The following MAD1L1 variants were observed in gnomAD, a reference collection of about 807,000 sequenced individuals.
The protein encoded by MAD1L1 is mitotic arrest deficient 1 like 1, also known as mitotic spindle assembly checkpoint protein MAD1.
In MAD1L1, 95 loss-of-function variants were observed where a neutral mutation model predicts 96.9. The observed-to-expected ratio is 0.98, with a 90% CI of 0.83 to 1.16. The LOEUF (loss-of-function observed/expected upper bound fraction) is 1.16. Among genes scored for constraint, MAD1L1 ranks in the 50% most tolerant of loss-of-function variants. The probability of loss-of-function intolerance (pLI) is 0.00; values close to 1 mark genes in which losing one functional copy is unlikely to be tolerated. For synonymous variants in MAD1L1, 473 were observed against 396.6 expected (o/e 1.19, Z -2.29); for missense variants, 1,007 against 954.4 (o/e 1.06, Z -0.73).
intron 15 of MAD1L1, among the ~76,000 whole-genome samples, chr7:1,960,243 G>T (rs886599206): frequency 2.1e-5 from 3 of 141,848 alleles, no homozygotes; most frequent in African/African-American, 8.4e-5. Context: ...TTGAAAAAAG[G>T]TAAAAAGAAA....
intron 17 of MAD1L1, among the ~76,000 whole-genome samples, chr7:1,918,825 C>T (rs182299606): frequency 1.1e-4 from 16 of 152,334 alleles, no homozygotes; most frequent in African/African-American, 3.4e-4. Context: ...CCACAGCTCC[C>T]GGCCCCAGGG....
intron 17 of MAD1L1, among the ~76,000 whole-genome samples, chr7:1,903,604 T>G (rs1424773200): frequency 1.1e-3 from 95 of 85,686 alleles, no homozygotes; most frequent in African/African-American, 2.0e-3. Context: ...AGTGGCCTAT[T>G]GAAGAAGCTC....
chr7:1,827,577 A>G (rs12536039), intron 18 of MAD1L1, among the ~76,000 whole-genome samples: 2,903 of 22,690 alleles, frequency 0.13, 150 homozygotes, highest in Non-Finnish European at 0.13. Context: ...CGGGTGTGGC[A>G]TCCTCCCCTC....
chr7:2,164,246 CT>C (rs1227000413), intron 10 of MAD1L1, among the ~76,000 whole-genome samples: 4 of 152,224 alleles, frequency 2.6e-5, no homozygotes, highest in Non-Finnish European at 5.9e-5. Context: ...TCCTCAGGCA[CT>C]GTTCCAGAGT....
chr7:1,817,931 G>C (rs1350574435), intron 18 of MAD1L1, among the ~76,000 whole-genome samples: 1 of 151,808 alleles, frequency 6.6e-6, no homozygotes, highest in Non-Finnish European at 1.5e-5. Context: ...GAGGCCCTGC[G>C]ACCTGACCTG....
At chr7:2,181,915 G>A (rs1032916601) in intron 10 of MAD1L1, among the ~76,000 whole-genome samples, 3 of 151,954 alleles carry the variant, frequency 2.0e-5, no homozygotes, top group Non-Finnish European at 4.4e-5. Context: ...TCTTCTAAGC[G>A]AAGAAACTCA....
chr7:1,964,181 A>C (rs1451360277), intron 15 of MAD1L1, among the ~76,000 whole-genome samples: 1 of 152,158 alleles, frequency 6.6e-6, no homozygotes, highest in Non-Finnish European at 1.5e-5. Context: ...CAAGGTGATG[A>C]GTGACGACAT....
chr7:2,141,073 G>T (rs187685764), intron 11 of MAD1L1, among the ~76,000 whole-genome samples: 1 of 152,350 alleles, frequency 6.6e-6, no homozygotes, highest in Admixed American at 6.5e-5. Flanking sequence ...GAGGCACCCC[G>T]GACAGACCCC....
intron 18 of MAD1L1, among the ~76,000 whole-genome samples, chr7:1,829,267 A>G (rs1341698148): frequency 2.0e-5 from 3 of 152,232 alleles, no homozygotes; most frequent in Non-Finnish European, 2.9e-5. Context: ...AGTGGGGCGC[A>G]AGTGCTGGCT....
At chr7:2,172,523 G>T (rs1049687249) in intron 10 of MAD1L1, among the ~76,000 whole-genome samples, 3 of 152,222 alleles carry the variant, frequency 2.0e-5, no homozygotes, top group Non-Finnish European at 4.4e-5. Flanking sequence ...CACAAACACT[G>T]CCTGCACCGT....
At chr7:2,129,423 GCGGCTCCTGTCCACA>G (rs1788402475) in intron 11 of MAD1L1, among the ~76,000 whole-genome samples, 1 of 152,218 alleles carries the variant, frequency 6.6e-6, no homozygotes, top group Non-Finnish European at 1.5e-5. Context: ...CAGGCTCACG[GCGGCTCCTGTCCACA>G]CGGCTCCTGC....
chr7:2,008,889 A>G (rs1244754844), intron 13 of MAD1L1, among the ~76,000 whole-genome samples: 2 of 152,214 alleles, frequency 1.3e-5, no homozygotes, highest in African/African-American at 4.8e-5. Context: ...CGGGTTCCCC[A>G]GGAGAGGCCA....
chr7:2,102,876 A>G (rs1703225190), intron 11 of MAD1L1, among the ~76,000 whole-genome samples: 1 of 152,144 alleles, frequency 6.6e-6, no homozygotes, highest in Admixed American at 6.5e-5. Context: ...CACTCCAGAG[A>G]CAATGCCCAG....
At chr7:2,198,380 C>T (rs902177788) in intron 10 of MAD1L1, among the ~76,000 whole-genome samples, 2 of 152,210 alleles carry the variant, frequency 1.3e-5, no homozygotes, top group African/African-American at 4.8e-5. Flanking sequence ...TCACGCTCTC[C>T]ACAGGCTGCA....
intron 10 of MAD1L1, among the ~76,000 whole-genome samples, chr7:2,176,186 G>A (rs1309198265): frequency 2.0e-5 from 3 of 152,002 alleles, no homozygotes; most frequent in Non-Finnish European, 4.4e-5. Context: ...CGTCACTACT[G>A]AAAATACAAA....
intron 12 of MAD1L1, among the ~76,000 whole-genome samples, chr7:2,031,268 G>A (rs558096194): frequency 6.6e-6 from 1 of 152,122 alleles, no homozygotes; most frequent in African/African-American, 2.4e-5. Context: ...CTGTCTTGGG[G>A]TTACCCTCAG....
chr7:1,934,077 CTG>C (rs932139498), intron 17 of MAD1L1, among the ~76,000 whole-genome samples: 4 of 152,270 alleles, frequency 2.6e-5, no homozygotes, highest in Non-Finnish European at 5.9e-5. Context: ...GCCACCAACA[CTG>C]TGATTTTTGG....
rs556612611 is a variant in MAD1L1 at position 1,985,975 on chromosome 7, T to C, written c.1417-5434A>G. 3.3e-5 allele frequency among the ~76,000 whole-genome samples: 5 copies of C among 152,362 alleles called. No individual in the cohort carries two copies. In the South Asian group the frequency reaches 1.0e-3, roughly 32 times the overall value. The stretch of plus-strand genomic sequence containing the variant: ...TTTCATCTGCTCAATGTCCACCGTT[T>C]TTCTGTGAAACTTTTTCTGCCACTT... On this transcript the variant is annotated intron_variant, in intron 14 of 18. Coordinates refer to ENST00000265854, the MANE Select transcript of MAD1L1 (RefSeq NM_001013836.2).
chr7:2,172,189 G>A (rs1475744952), intron 10 of MAD1L1, among the ~76,000 whole-genome samples: 1 of 152,152 alleles, frequency 6.6e-6, no homozygotes, highest in Admixed American at 6.5e-5. Flanking sequence ...GAAAGGGCCT[G>A]GTGAGTGTTC....
Sources: gnomAD v4.1 joint callset for allele counts (sites outside exome capture counted in the v4.1 genomes callset) on GRCh38, gnomAD v4.1.1 for gene constraint, MANE v1.5 for transcripts, NCBI Gene and HGNC (gene_info 2026-07-23, HGNC 2026-07-21) for gene names.